The following C8orf89 variants were observed in gnomAD, a reference collection of about 807,000 sequenced individuals.
C8orf89 encodes the protein putative uncharacterized protein C8orf89.
A neutral mutation model predicts 15.8 loss-of-function variants in C8orf89; 14 were observed. That is an observed-to-expected ratio of 0.89 (90% CI 0.59 to 1.39). The LOEUF is 1.39. Ranked by LOEUF, C8orf89 falls within the 40% of genes most tolerant of loss-of-function variation. The probability of loss-of-function intolerance (pLI) is 0.00; values close to 1 mark genes in which losing one functional copy is unlikely to be tolerated. For synonymous variants in C8orf89, 55 were observed against 62.2 expected (o/e 0.88, Z 0.54); for missense variants, 181 against 184.5 (o/e 0.98, Z 0.11).
the C8orf89 span, among the ~76,000 whole-genome samples, chr8:73,284,744 TAAAA>T: frequency 6.6e-6 from 1 of 152,130 alleles, no homozygotes; most frequent in South Asian, 2.1e-4. Context: ...AGGAAGAACT[TAAAA>T]AAGGAAATGT....
At chr8:73,244,937 CTGA>C (rs1813091436) in intron 3 of C8orf89, among the ~76,000 whole-genome samples, 1 of 152,138 alleles carries the variant, frequency 6.6e-6, no homozygotes, top group African/African-American at 2.4e-5. Context: ...TTTTATGCTG[CTGA>C]TAAGGACATA....
chr8:73,277,463 C>A, the C8orf89 span: 1 of 1,012,278 alleles, frequency 9.9e-7, no homozygotes, highest in Admixed American at 2.2e-5. Context: ...TCTCGGTGCT[C>A]GAGAAGAATC....
chr8:73,273,739 G>A, the C8orf89 span, among the ~76,000 whole-genome samples: 6 of 148,506 alleles, frequency 4.0e-5, no homozygotes, highest in African/African-American at 1.5e-4. Flanking sequence ...TTTTTTGTTG[G>A]TGATGCCAGT....
intron 1 of C8orf89, among the ~76,000 whole-genome samples, chr8:73,257,530 G>T (rs902271641): frequency 6.6e-6 from 1 of 152,140 alleles, no homozygotes; most frequent in African/African-American, 2.4e-5. Flanking sequence ...AATAAGAGGT[G>T]TAAACAGATG....
At chr8:73,283,722 T>C in the C8orf89 span, among the ~76,000 whole-genome samples, 1 of 152,230 alleles carries the variant, frequency 6.6e-6, no homozygotes, top group African/African-American at 2.4e-5. Context: ...GAATTTATTC[T>C]GTAGAACTGT....
the C8orf89 span, among the ~76,000 whole-genome samples, chr8:73,270,448 C>T: frequency 6.6e-6 from 1 of 152,172 alleles, no homozygotes; most frequent in African/African-American, 2.4e-5. Flanking sequence ...GTTAAACAAA[C>T]AGATTTGGGG....
the C8orf89 span, among the ~76,000 whole-genome samples, chr8:73,270,411 T>C: frequency 6.6e-5 from 10 of 152,192 alleles, no homozygotes; most frequent in Non-Finnish European, 1.0e-4. Flanking sequence ...AATCACTGAT[T>C]AAGAGACCTA....
chr8:73,244,760 G>C (rs957406154), intron 3 of C8orf89, among the ~76,000 whole-genome samples: 1 of 152,116 alleles, frequency 6.6e-6, no homozygotes, highest in Non-Finnish European at 1.5e-5. Flanking sequence ...CACTTTAAAA[G>C]ACCCTCTGGC....
chr8:73,267,998 A>G, the C8orf89 span, among the ~76,000 whole-genome samples: 1 of 152,228 alleles, frequency 6.6e-6, no homozygotes, highest in Admixed American at 6.5e-5. Flanking sequence ...TTTAGATCTA[A>G]CTCCTGATTT....
At chr8:73,282,799 T>C in the C8orf89 span, among the ~76,000 whole-genome samples, 3 of 152,134 alleles carry the variant, frequency 2.0e-5, no homozygotes, top group South Asian at 2.1e-4. Flanking sequence ...GAATGCAAGA[T>C]TGATTATTTA....
At chr8:73,259,535 G>A (rs1023605121), upstream of C8orf89, 1 of 1,080,988 alleles carries the variant, frequency 9.3e-7, no homozygotes, top group South Asian at 2.4e-5. Context: ...AAAAAACAAG[G>A]CACGTCCGAG....
At chr8:73,284,360 C>T in the C8orf89 span, among the ~76,000 whole-genome samples, 3 of 151,728 alleles carry the variant, frequency 2.0e-5, no homozygotes, top group East Asian at 2.0e-4. Context: ...ACTACAGGCA[C>T]GCGCCACCAT....
upstream of C8orf89, among the ~76,000 whole-genome samples, chr8:73,262,651 C>T (rs1399363454): frequency 1.3e-5 from 2 of 151,616 alleles, no homozygotes; most frequent in African/African-American, 4.8e-5. Flanking sequence ...ACCCCCTAAT[C>T]TACAAAAAAT....
At chr8:73,264,086 C>A (rs910964318), upstream of C8orf89, among the ~76,000 whole-genome samples, 5 of 152,134 alleles carry the variant, frequency 3.3e-5, no homozygotes, top group Non-Finnish European at 1.5e-5. Flanking sequence ...TACATCACAG[C>A]CTTCTTGTGC....
chr8:73,256,508 T>C (rs1586166252), intron 2 of C8orf89, among the ~76,000 whole-genome samples: 2 of 152,180 alleles, frequency 1.3e-5, no homozygotes, highest in East Asian at 3.9e-4. Context: ...CTTGGGCAGA[T>C]GACGAGGTCA....
In C8orf89 at chr8:73,259,492, G is replaced by T; in HGVS notation, c.-34C>A. ...CTTTCAACAGTGCTGATGAGAGGGA[G>T]ATGCTGCTGCAGAGACAGGACACAA... On this transcript the variant is annotated 5_prime_UTR_variant, in exon 1 of 4. Transcript: ENST00000624510. The T allele has an allele frequency of 6.9e-7, 1 of 1,449,564 alleles. No individual in the cohort carries two copies. The highest frequency in any genetic ancestry group is 9.1e-7 in the Non-Finnish European group (1 of 1,102,704). The allele number at this position is 1,449,564 out of a possible 1,614,324, so 89.8% of individuals were successfully genotyped here.
At chr8:73,283,348 T>C in the C8orf89 span, among the ~76,000 whole-genome samples, 3 of 152,168 alleles carry the variant, frequency 2.0e-5, no homozygotes, top group Non-Finnish European at 4.4e-5. Flanking sequence ...TTCCAGTCAA[T>C]GACTGAGCAG....
chr8:73,275,332 G>A, the C8orf89 span, among the ~76,000 whole-genome samples: 1 of 147,528 alleles, frequency 6.8e-6, no homozygotes, highest in South Asian at 2.1e-4. Flanking sequence ...TGGCTCCCAG[G>A]TTCAAGCAAC....
chr8:73,241,508 T>C lies in C8orf89; in HGVS notation c.435A>G (p.Glu145=). The C allele has an allele frequency of 2.0e-6, 3 of 1,533,246 alleles. No homozygotes were observed. Among genetic ancestry groups the C allele is most frequent in the Non-Finnish European group, 2.6e-6 (3 of 1,145,190 alleles). The allele number at this position is 1,533,246 out of a possible 1,614,324, so 95.0% of individuals were successfully genotyped here. The part of the protein sequence containing the change: ...AILEYDTIRQ[E]TTTKSKKSKK... ...TGCTTTTTTTTGATTTTGTGGTTGTTTCCTGACGAATGGTATCATATTCCA... is the reference window on the plus strand; with the variant it reads ...TGCTTTTTTTTGATTTTGTGGTTGTCTCCTGACGAATGGTATCATATTCCA... The change falls in exon 4 of 4, where the codon GAA becomes GAG. Residue 145 remains glutamate (E), a synonymous_variant. Coordinates refer to ENST00000624510, the MANE Select transcript of C8orf89 (RefSeq NM_001243237.3).
Sources: allele counts gnomAD v4.1 joint callset (sites outside exome capture counted in the v4.1 genomes callset), GRCh38; gene constraint gnomAD v4.1.1; transcripts MANE v1.5; gene names NCBI Gene and HGNC (gene_info 2026-07-23, HGNC 2026-07-21).